The following FRA10AC1 variants were observed in gnomAD, a reference collection of about 807,000 sequenced individuals.
FRA10AC1 encodes protein FRA10AC1.
In FRA10AC1, 43 loss-of-function variants were observed where a neutral mutation model predicts 56.5. The observed-to-expected ratio is 0.76, with a 90% CI of 0.60 to 0.98. The LOEUF (loss-of-function observed/expected upper bound fraction) is 0.98. Ranked by LOEUF, FRA10AC1 falls within the 50% of genes least tolerant of loss-of-function variation. FRA10AC1 has a pLI of 0.00. For missense variants in FRA10AC1, 346 were observed against 351.8 expected (o/e 0.98, Z 0.13); for synonymous variants, 112 against 110.5 (o/e 1.01, Z -0.09).
chr10:93,670,779 T>G lies in FRA10AC1; in HGVS notation c.896A>C (p.Glu299Ala). ...TAATATCAGCACTTACTGTGATTTTTCATCTGTCTCTGGTAGTGGACCCTT... is the reference window on the plus strand; with the variant it reads ...TAATATCAGCACTTACTGTGATTTTGCATCTGTCTCTGGTAGTGGACCCTT... ...LWKGPLPETDEKSQEEEFDEY... is the reference protein window; with the variant it reads ...LWKGPLPETDAKSQEEEFDEY... Residue 299 changes from glutamate (E) to alanine (A), a missense_variant, in exon 13 of 14, where the codon GAA (glutamate) becomes GCA (alanine). Transcript: ENST00000359204. The G allele has an allele frequency of 3.1e-6, 5 of 1,605,112 alleles. No homozygotes were observed. The highest frequency in any genetic ancestry group is 4.3e-6 in the Non-Finnish European group (5 of 1,172,248).
chr10:93,694,365 G>A (rs1320465458), intron 5 of FRA10AC1, among the ~76,000 whole-genome samples: 2 of 152,068 alleles, frequency 1.3e-5, no homozygotes, highest in Admixed American at 6.5e-5. Context: ...CCAAAAAAAT[G>A]GGATTCATGA....
At position 93,698,157 on chromosome 10, in the gene FRA10AC1, A is replaced by T. The variant is rs2059264644; in HGVS notation, c.198T>A (p.Phe66Leu). The T allele has an allele frequency of 3.2e-6, 5 of 1,580,556 alleles. No homozygotes were observed. The highest frequency in any genetic ancestry group is 4.3e-6 in the Non-Finnish European group (5 of 1,159,740). Residue 66 changes from phenylalanine (F) to leucine (L), a missense_variant, in exon 4 of 14, where the codon TTT becomes TTA. Phe to Leu is a conservative substitution (Grantham distance 22). Coordinates refer to ENST00000359204, the MANE Select transcript of FRA10AC1 (RefSeq NM_145246.5). ...ATACAGCATCCATAGCTATGAGATGAAACCTTCTATTTCTTGCTTCTTCCC... is the reference window on the plus strand; with the variant it reads ...ATACAGCATCCATAGCTATGAGATGTAACCTTCTATTTCTTGCTTCTTCCC... ...LDREEARNRR[F>L]HLIAMDAYQR...
At chr10:93,686,905 A>G (rs2059037197) in intron 8 of FRA10AC1, among the ~76,000 whole-genome samples, 1 of 151,816 alleles carries the variant, frequency 6.6e-6, no homozygotes, top group African/African-American at 2.4e-5. Context: ...TGCCTACCAA[A>G]TGTCTGGTCT....
intron 12 of FRA10AC1, chr10:93,672,875 T>TA (rs1484451525): frequency 2.5e-5 from 4 of 161,086 alleles, no homozygotes; most frequent in Non-Finnish European, 5.4e-5. Context: ...TCATAACTGT[T>TA]ACAACCTGCC....
At chr10:93,687,575 C>G in intron 7 of FRA10AC1, 126 bp from the exon 8 acceptor site, 2 of 927,334 alleles carry the variant, frequency 2.2e-6, no homozygotes, top group Non-Finnish European at 3.1e-6. Flanking sequence ...ACAGATTTTT[C>G]TCTTCTTATA....
intron 12 of FRA10AC1, chr10:93,672,569 A>C (rs1468770685): frequency 1.3e-5 from 2 of 152,436 alleles, no homozygotes; most frequent in Non-Finnish European, 2.9e-5. Flanking sequence ...CGAAACCTAC[A>C]AGGCCTTTAG....
chr10:93,697,451 T>C (rs2059252089), intron 4 of FRA10AC1, among the ~76,000 whole-genome samples: 1 of 152,256 alleles, frequency 6.6e-6, no homozygotes, highest in South Asian at 2.1e-4. Flanking sequence ...CTCCCAATTC[T>C]GATCACAGCA....
intron 2 of FRA10AC1, 51 bp from the exon 3 acceptor site, chr10:93,698,447 C>A: frequency 9.5e-7 from 1 of 1,050,122 alleles, no homozygotes; most frequent in Non-Finnish European, 1.4e-6. Context: ...AGGTTATTTT[C>A]TAATTCTTTA....
rs764364924 is a variant in FRA10AC1 at position 93,698,281 on chromosome 10, T to G, written c.173+20A>C. 2 of 1,558,060 alleles carry G rather than the reference T, an allele frequency of 1.3e-6. No homozygotes were observed. The highest frequency in any genetic ancestry group is 1.8e-6 in the Non-Finnish European group (2 of 1,131,220). ...AAGCAACTTAAACCAAGAAATAGAA[T>G]TGACACTGAAATACCATACCTATCC... On this transcript the variant is annotated intron_variant, in intron 3 of 13. Transcript: ENST00000359204.
intron 11 of FRA10AC1, among the ~76,000 whole-genome samples, chr10:93,678,260 C>T (rs980610123): frequency 6.6e-6 from 1 of 152,152 alleles, no homozygotes; most frequent in African/African-American, 2.4e-5. Context: ...TTTGCCAAGA[C>T]AGTCTACCTA....
intron 12 of FRA10AC1, chr10:93,673,671 G>A (rs974766605): frequency 2.7e-6 from 1 of 370,506 alleles, no homozygotes; most frequent in African/African-American, 2.1e-5. Context: ...AACAAACACA[G>A]GATTTATATG....
At chr10:93,693,507 TAC>T (rs780847335) in intron 5 of FRA10AC1, among the ~76,000 whole-genome samples, 1,613 of 25,480 alleles carry the variant, frequency 0.063, 139 homozygotes, top group East Asian at 0.13. Flanking sequence ...TATATATATA[TAC>T]ACCATATATA....
At chr10:93,698,272 G>T in intron 3 of FRA10AC1, 29 bp downstream of exon 3, 1 of 1,541,984 alleles carries the variant, frequency 6.5e-7, no homozygotes. Context: ...CTTAAACCAA[G>T]AAATAGAATT....
chr10:93,702,549 C>A lies in FRA10AC1; in HGVS notation c.-175G>T. The A allele has an allele frequency of 4.8e-6, 1 of 208,786 alleles. No individual in the cohort carries two copies. The highest frequency in any genetic ancestry group is 9.2e-6 in the Non-Finnish European group (1 of 108,296). 12.9% of individuals were successfully genotyped at this position (208,786 alleles called of 1,614,324 possible). A position where few individuals can be genotyped will look rare whatever the true frequency, so the allele number is the denominator to read the frequency against. On this transcript the variant is annotated 5_prime_UTR_variant, in exon 1 of 14. Transcript: ENST00000359204. ...CGCCGCCGCCGCCGCCGCCGCCGCC[C>A]GCAACCCGCCTCTCCCTACGGGTCC...
intron 11 of FRA10AC1, among the ~76,000 whole-genome samples, chr10:93,679,002 G>A (rs1224944884): frequency 6.6e-6 from 1 of 152,110 alleles, no homozygotes; most frequent in Non-Finnish European, 1.5e-5. Flanking sequence ...TGGCAAGAAA[G>A]AATCAAATCA....
At chr10:93,698,420 G>A (rs1226298773) in intron 2 of FRA10AC1, 24 bp from the exon 3 acceptor site, 9 of 1,334,102 alleles carry the variant, frequency 6.7e-6, no homozygotes, top group African/African-American at 1.4e-5. Flanking sequence ...AAGAAAATAA[G>A]AGTTCACTTT....
intron 4 of FRA10AC1, among the ~76,000 whole-genome samples, chr10:93,695,506 T>C (rs2133938647): frequency 6.6e-6 from 1 of 152,178 alleles, no homozygotes; most frequent in East Asian, 1.9e-4. Context: ...CCATGTTTTT[T>C]CAAAGCATTG....
At chr10:93,685,810 T>C (rs183550271) in intron 8 of FRA10AC1, among the ~76,000 whole-genome samples, 2 of 151,842 alleles carry the variant, frequency 1.3e-5, no homozygotes, top group African/African-American at 4.8e-5. Context: ...ATGGTAATAA[T>C]AGTTAATAGT....
At chr10:93,692,583 C>T in intron 6 of FRA10AC1, 63 bp downstream of exon 6, 1 of 1,069,612 alleles carries the variant, frequency 9.3e-7, no homozygotes, top group South Asian at 1.4e-5. Context: ...TAAAAAACCA[C>T]TCAGAAAACA....
Sources: allele counts gnomAD v4.1 joint callset (sites outside exome capture counted in the v4.1 genomes callset), GRCh38; gene constraint gnomAD v4.1.1; transcripts MANE v1.5; gene names NCBI Gene and HGNC (gene_info 2026-07-23, HGNC 2026-07-21).